RBM20: variants seen among roughly 807,000 people sequenced by gnomAD.
RBM20 encodes RNA binding motif protein 20.
RBM20 carries 51 observed loss-of-function variants against 110.1 expected under a neutral mutation model. The ratio of observed to expected loss-of-function variants is 0.46; its 90% CI spans 0.37 to 0.59. The LOEUF (loss-of-function observed/expected upper bound fraction) is 0.59. RBM20 is among the 20% of genes least tolerant of loss of function. The probability of loss-of-function intolerance (pLI) is 0.00; values close to 1 mark genes in which losing one functional copy is unlikely to be tolerated. For missense variants in RBM20, 1,512 were observed against 1,574.9 expected (o/e 0.96, Z 0.68); for synonymous variants, 589 against 618.2 (o/e 0.95, Z 0.70).
intron 12 of RBM20, among the ~76,000 whole-genome samples, chr10:110,828,062 G>C (rs1356713280): frequency 6.6e-6 from 1 of 152,204 alleles, no homozygotes; most frequent in Non-Finnish European, 1.5e-5. Flanking sequence ...GCCTGCCAAG[G>C]CTTGCTCTCA....
chr10:110,765,434 C>G (rs1844067123), intron 1 of RBM20, among the ~76,000 whole-genome samples: 1 of 152,004 alleles, frequency 6.6e-6, no homozygotes, highest in African/African-American at 2.4e-5. Flanking sequence ...TCTGAGCACC[C>G]CTGAAGTAGC....
intron 1 of RBM20, among the ~76,000 whole-genome samples, chr10:110,756,048 A>C (rs1387567440): frequency 6.6e-6 from 1 of 152,222 alleles, no homozygotes; most frequent in South Asian, 2.1e-4. Context: ...TGACAATGAC[A>C]GCGGATTCCT....
At chr10:110,674,326 G>A (rs1862302161) in intron 1 of RBM20, among the ~76,000 whole-genome samples, 1 of 152,152 alleles carries the variant, frequency 6.6e-6, no homozygotes, top group Non-Finnish European at 1.5e-5. Context: ...TCCTGTTCAT[G>A]GGGAATTGCT....
chr10:110,813,601 G>A (rs1292979777), intron 9 of RBM20, among the ~76,000 whole-genome samples: 3 of 152,048 alleles, frequency 2.0e-5, no homozygotes, highest in Non-Finnish European at 2.9e-5. Flanking sequence ...TTGGGAGGCC[G>A]AGGCAGGCAG....
Position 110,693,124 on chromosome 10 carries a change from G to A in RBM20, c.191+48479G>A, listed in dbSNP as rs564955726. On this transcript the variant is annotated intron_variant, in intron 1 of 13. Transcript: ENST00000369519. ...TGTGAATGAATCCCACTTGGTCATA[G>A]TGTATAATTCTTTAAATATGCTGCT... is the stretch of plus-strand genomic sequence containing the variant. Among the ~76,000 whole-genome samples, 10 of 152,192 alleles carry A rather than the reference G, an allele frequency of 6.6e-5. No individual in the cohort carries two copies. In the East Asian group the frequency reaches 1.5e-3, roughly 23 times the overall value.
At chr10:110,825,883 T>C (rs1201644262) in intron 12 of RBM20, among the ~76,000 whole-genome samples, 3 of 152,160 alleles carry the variant, frequency 2.0e-5, no homozygotes, top group African/African-American at 7.2e-5. Flanking sequence ...AAATCTGAAA[T>C]GCAGAGTCAC....
chr10:110,770,621 G>A (rs1844173848), intron 1 of RBM20, among the ~76,000 whole-genome samples: 1 of 152,124 alleles, frequency 6.6e-6, no homozygotes, highest in African/African-American at 2.4e-5. Flanking sequence ...AAAATGTCTA[G>A]GTTAATTGTC....
At chr10:110,680,923 C>A (rs1220140186) in intron 1 of RBM20, among the ~76,000 whole-genome samples, 1 of 152,196 alleles carries the variant, frequency 6.6e-6, no homozygotes, top group South Asian at 2.1e-4. Flanking sequence ...TTCTTTTCCA[C>A]TTCTTTCTTC....
intron 1 of RBM20, among the ~76,000 whole-genome samples, chr10:110,687,123 T>C (rs1862517058): frequency 6.6e-6 from 1 of 151,972 alleles, no homozygotes; most frequent in South Asian, 2.1e-4. Context: ...CAGCTGCCTA[T>C]GGCAAGATTG....
At chr10:110,690,595 A>G (rs78106716) in intron 1 of RBM20, among the ~76,000 whole-genome samples, 2,526 of 152,226 alleles carry the variant, frequency 0.017, 73 homozygotes, top group African/African-American at 0.058. Context: ...TTCTGTCTCT[A>G]TGAATTTGCC....
At chr10:110,656,092 G>A (rs1862023265) in intron 1 of RBM20, among the ~76,000 whole-genome samples, 1 of 152,102 alleles carries the variant, frequency 6.6e-6, no homozygotes, top group African/African-American at 2.4e-5. Flanking sequence ...CCTGTGGTCA[G>A]GAGTTCGAGA....
At chr10:110,711,449 G>T (rs991195491) in intron 1 of RBM20, among the ~76,000 whole-genome samples, 3 of 152,060 alleles carry the variant, frequency 2.0e-5, no homozygotes, top group Non-Finnish European at 2.9e-5. Context: ...CTGGCTGGGA[G>T]GAGGGGACAA....
chr10:110,750,016 T>C (rs1030539323), intron 1 of RBM20, among the ~76,000 whole-genome samples: 58 of 152,374 alleles, frequency 3.8e-4, no homozygotes, highest in African/African-American at 1.3e-3. Context: ...AGTATTATGA[T>C]TTATAGGTGT....
intron 1 of RBM20, among the ~76,000 whole-genome samples, chr10:110,692,174 T>C (rs934401239): frequency 6.6e-6 from 1 of 152,226 alleles, no homozygotes; most frequent in Non-Finnish European, 1.5e-5. Flanking sequence ...TGTAGCTTTG[T>C]AGTTAGTTTT....
At chr10:110,688,918 C>G (rs1232818745) in intron 1 of RBM20, among the ~76,000 whole-genome samples, 5 of 151,674 alleles carry the variant, frequency 3.3e-5, no homozygotes, top group African/African-American at 4.8e-5. Context: ...AATAGCTTCT[C>G]TGTCTTTCCT....
At chr10:110,737,202 C>CCA (rs1049652380) in intron 1 of RBM20, among the ~76,000 whole-genome samples, 3 of 56,006 alleles carry the variant, frequency 5.4e-5, no homozygotes, top group African/African-American at 1.8e-4. Flanking sequence ...AAAAAACACC[C>CCA]CACACACACA....
Position 110,781,298 on chromosome 10 carries a change from A to C in RBM20, c.689A>C (p.Glu230Ala). 6.4e-7 allele frequency: 1 copy of C among 1,551,694 alleles called. No homozygotes were observed. The highest frequency in any genetic ancestry group is 8.7e-7 in the Non-Finnish European group (1 of 1,146,992). Reference sequence around the variant, plus strand: ...GCTCCAGCTACAGCAGGATTCTATGAGTATGGCAAAGCCAGCTCTGGCCAG... The same window carrying C: ...GCTCCAGCTACAGCAGGATTCTATGCGTATGGCAAAGCCAGCTCTGGCCAG... ...GPAPATAGFYEYGKASSGQTY... is the reference protein window; with the variant it reads ...GPAPATAGFYAYGKASSGQTY... Residue 230 changes from glutamate (E) to alanine (A), a missense_variant, in exon 2 of 14, where the codon GAG (glutamate) becomes GCG (alanine). By Grantham distance (107) the Glu-to-Ala change is moderately radical. Transcript: ENST00000369519.
At chr10:110,761,067 A>C (rs1383495289) in intron 1 of RBM20, 1 of 145,760 alleles carries the variant, frequency 6.9e-6, no homozygotes, top group Non-Finnish European at 1.5e-5. Context: ...ACTGCACTCC[A>C]GCCTGGGCAA....
intron 12 of RBM20, among the ~76,000 whole-genome samples, chr10:110,823,877 C>A (rs979502374): frequency 2.8e-5 from 4 of 141,010 alleles, no homozygotes; most frequent in Admixed American, 1.6e-4. Context: ...ACCACCAGGC[C>A]CGGCTAATTT....
Sources: gnomAD v4.1 joint callset for allele counts (sites outside exome capture counted in the v4.1 genomes callset) on GRCh38, gnomAD v4.1.1 for gene constraint, MANE v1.5 for transcripts, NCBI Gene and HGNC (gene_info 2026-07-23, HGNC 2026-07-21) for gene names.